The following SMAP1 variants were observed in gnomAD, a reference collection of about 807,000 sequenced individuals.
SMAP1 encodes the protein stromal membrane-associated protein 1.
A neutral mutation model predicts 58.5 loss-of-function variants in SMAP1; 24 were observed. The ratio of observed to expected loss-of-function variants is 0.41; its 90% CI spans 0.30 to 0.58. The LOEUF (loss-of-function observed/expected upper bound fraction) is 0.58, where lower values mean the gene tolerates loss of function less well. Ranked by LOEUF, SMAP1 falls within the 20% of genes least tolerant of loss-of-function variation. SMAP1 has a pLI of 0.29. For missense variants in SMAP1, 563 were observed against 566.3 expected (o/e 0.99, Z 0.06); for synonymous variants, 216 against 196.6 (o/e 1.10, Z -0.82).
At chr6:70,802,340 T>G (rs903488474) in intron 6 of SMAP1, among the ~76,000 whole-genome samples, 1 of 152,222 alleles carries the variant, frequency 6.6e-6, no homozygotes, top group African/African-American at 2.4e-5. Flanking sequence ...ATGCTTGTGA[T>G]TTTTACACAT....
At position 70,709,328 on chromosome 6, in the gene SMAP1, A is replaced by G. The variant is rs1213595124; in HGVS notation, c.119-23050A>G. 2.0e-5 allele frequency among the ~76,000 whole-genome samples: 3 copies of G among 151,902 alleles called. No individual in the cohort carries two copies. The East Asian group carries it at 5.8e-4, about 29-fold the overall frequency. The stretch of plus-strand genomic sequence containing the variant: ...ATATGCCCATATTGTTTTGATTACT[A>G]TAGCTTTATAATACTTTTTTTTTCT... On this transcript the variant is annotated intron_variant, in intron 1 of 10. Coordinates refer to ENST00000370455, the MANE Select transcript of SMAP1 (RefSeq NM_001044305.3).
intron 3 of SMAP1, among the ~76,000 whole-genome samples, chr6:70,758,753 G>T (rs1766622420): frequency 6.6e-6 from 1 of 152,152 alleles, no homozygotes. Flanking sequence ...AAACAAGTTG[G>T]GAAAGCTACA....
At chr6:70,668,975 C>A (rs1766153859) in intron 1 of SMAP1, among the ~76,000 whole-genome samples, 1 of 152,136 alleles carries the variant, frequency 6.6e-6, no homozygotes, top group African/African-American at 2.4e-5. Flanking sequence ...ATGGAAAAAA[C>A]CTAATTTTAG....
At chr6:70,786,969 C>T (rs1361381060) in intron 4 of SMAP1, among the ~76,000 whole-genome samples, 1 of 151,980 alleles carries the variant, frequency 6.6e-6, no homozygotes, top group Non-Finnish European at 1.5e-5. Context: ...CATATGGAAC[C>T]AAAAAAGAGC....
At chr6:70,803,915 G>T (rs983821251) in intron 6 of SMAP1, among the ~76,000 whole-genome samples, 1 of 152,134 alleles carries the variant, frequency 6.6e-6, no homozygotes, top group Non-Finnish European at 1.5e-5. Flanking sequence ...TTCCAATTAT[G>T]TGTCAATTTT....
intron 1 of SMAP1, among the ~76,000 whole-genome samples, chr6:70,708,068 C>T (rs959909350): frequency 1.1e-4 from 17 of 152,140 alleles, no homozygotes; most frequent in African/African-American, 3.9e-4. Context: ...TATCTCTAGA[C>T]TTAGCAATCT....
Position 70,732,455 on chromosome 6 carries a change from C to T in SMAP1, c.196C>T (p.His66Tyr), listed in dbSNP as rs751791711. The T allele has an allele frequency of 1.9e-6, 3 of 1,612,350 alleles. No individual in the cohort carries two copies. Among genetic ancestry groups the T allele is most frequent in the African/African-American group, 1.3e-5 (1 of 74,810 alleles). The change falls in exon 2 of 11, where the codon CAT becomes TAT. Residue 66 changes from histidine to tyrosine, a missense_variant. His to Tyr is a moderately conservative substitution (Grantham distance 83). Transcript: ENST00000370455. Reference sequence around the variant, plus strand: ...TGGAATTCATAGAAATCTTGGGGTTCATATATCCAGGGTCAAATCAGTCAA... The same window carrying T: ...TGGAATTCATAGAAATCTTGGGGTTTATATATCCAGGGTCAAATCAGTCAA... Reference protein sequence around the residue: ...CAGIHRNLGVHISRVKSVNLD... With the variant: ...CAGIHRNLGVYISRVKSVNLD...
chr6:70,861,716 T>G lies in SMAP1; in HGVS notation c.*1382T>G. 1.9e-6 allele frequency: 3 copies of G among 1,614,156 alleles called. No homozygotes were observed. The highest frequency in any genetic ancestry group is 2.5e-6 in the Non-Finnish European group (3 of 1,179,984). ...TGGTACTTTGGCTCGTTGGCTAGAT[T>G]AACCTTCTCTGTCCGAGTGTGCCAC... On this transcript the variant is annotated 3_prime_UTR_variant, in exon 11 of 11. Coordinates refer to ENST00000370455, the MANE Select transcript of SMAP1 (RefSeq NM_001044305.3).
intron 1 of SMAP1, among the ~76,000 whole-genome samples, chr6:70,707,231 A>T (rs1404847298): frequency 6.6e-6 from 1 of 152,224 alleles, no homozygotes; most frequent in African/African-American, 2.4e-5. Flanking sequence ...AAAATAAATA[A>T]ACATCATCTC....
At chr6:70,726,359 A>C (rs1768785135) in intron 1 of SMAP1, among the ~76,000 whole-genome samples, 1 of 152,214 alleles carries the variant, frequency 6.6e-6, no homozygotes. Flanking sequence ...GAACATACAG[A>C]GATCAATAAA....
At chr6:70,798,268 GTTTT>G (rs748111672) in intron 5 of SMAP1, among the ~76,000 whole-genome samples, 1 of 142,342 alleles carries the variant, frequency 7.0e-6, no homozygotes, top group African/African-American at 2.6e-5. Flanking sequence ...CTATCACTTA[GTTTT>G]TTTTTTTTTT....
chr6:70,691,462 G>T (rs936474874), intron 1 of SMAP1, among the ~76,000 whole-genome samples: 6 of 152,002 alleles, frequency 3.9e-5, no homozygotes, highest in Admixed American at 1.3e-4. Context: ...AAACATTACA[G>T]TTATACTATT....
At position 70,861,826 on chromosome 6, in the gene SMAP1, A is replaced by T; in HGVS notation, c.*1492A>T. On this transcript the variant is annotated 3_prime_UTR_variant, in exon 11 of 11. Coordinates refer to ENST00000370455, the MANE Select transcript of SMAP1 (RefSeq NM_001044305.3). ...AGGTCGGGCAGCACAAGTGTAATGA[A>T]TACCTTAGTGCAGTTATTTGCTTTC... is the stretch of plus-strand genomic sequence containing the variant. 1 of 1,614,028 alleles carries T rather than the reference A, an allele frequency of 6.2e-7. No homozygotes were observed. The highest frequency in any genetic ancestry group is 8.5e-7 in the Non-Finnish European group (1 of 1,179,962).
At chr6:70,732,001 A>C (rs1468802325) in intron 1 of SMAP1, among the ~76,000 whole-genome samples, 3 of 151,482 alleles carry the variant, frequency 2.0e-5, no homozygotes, top group Non-Finnish European at 1.5e-5. Context: ...AATGTCTTTG[A>C]TTTTTTATTT....
At chr6:70,850,613 A>G (rs955561321) in intron 7 of SMAP1, among the ~76,000 whole-genome samples, 1 of 151,962 alleles carries the variant, frequency 6.6e-6, no homozygotes, top group African/African-American at 2.4e-5. Context: ...AATTCATGTG[A>G]TAGAATGAAA....
intron 4 of SMAP1, among the ~76,000 whole-genome samples, chr6:70,786,569 C>T (rs1434396531): frequency 6.6e-6 from 1 of 151,096 alleles, no homozygotes; most frequent in Non-Finnish European, 1.5e-5. Context: ...CGTCTCAGCC[C>T]AAAATCTCCT....
At chr6:70,785,089 T>C (rs537297174) in intron 4 of SMAP1, among the ~76,000 whole-genome samples, 37 of 152,078 alleles carry the variant, frequency 2.4e-4, no homozygotes, top group African/African-American at 8.7e-4. Flanking sequence ...AGAACAGAGA[T>C]TATAACAAAC....
intron 1 of SMAP1, among the ~76,000 whole-genome samples, chr6:70,726,128 TG>T (rs1474717343): frequency 2.6e-5 from 4 of 152,182 alleles, no homozygotes; most frequent in African/African-American, 9.7e-5. Context: ...TAAAATGGAG[TG>T]GTAATATTAC....
intron 3 of SMAP1, among the ~76,000 whole-genome samples, chr6:70,770,163 T>A (rs1360785693): frequency 6.6e-6 from 1 of 151,876 alleles, no homozygotes; most frequent in Non-Finnish European, 1.5e-5. Context: ...CCGACCTTTC[T>A]CTCTGGCTGC....
Sources: gnomAD v4.1 joint callset for allele counts (sites outside exome capture counted in the v4.1 genomes callset) on GRCh38, gnomAD v4.1.1 for gene constraint, MANE v1.5 for transcripts, NCBI Gene and HGNC (gene_info 2026-07-23, HGNC 2026-07-21) for gene names.